Variants in LHCGR observed in about 807,000 individuals in gnomAD.
The protein encoded by LHCGR is luteinizing hormone/choriogonadotropin receptor.
LHCGR carries 55 observed loss-of-function variants against 60.7 expected under a neutral mutation model. The observed-to-expected ratio is 0.91, with a 90% CI of 0.73 to 1.13. The LOEUF is 1.13. Among genes scored for constraint, LHCGR ranks in the 50% most tolerant of loss-of-function variants. The probability of loss-of-function intolerance (pLI) is 0.00; values close to 1 mark genes in which losing one functional copy is unlikely to be tolerated. For missense variants in LHCGR, 862 were observed against 836.0 expected (o/e 1.03, Z -0.38); for synonymous variants, 337 against 316.5 (o/e 1.06, Z -0.69).
intron 8 of LHCGR, among the ~76,000 whole-genome samples, chr2:48,706,846 G>T (rs1185964088): frequency 6.6e-6 from 1 of 151,972 alleles, no homozygotes; most frequent in Non-Finnish European, 1.5e-5. Flanking sequence ...ATGCTCCTTT[G>T]GCTTGGAGAA....
At chr2:48,702,214 C>T (rs1667445495) in intron 8 of LHCGR, among the ~76,000 whole-genome samples, 1 of 151,826 alleles carries the variant, frequency 6.6e-6, no homozygotes, top group African/African-American at 2.4e-5. Context: ...TTGGATGTTT[C>T]AGGCTTTGTC....
At chr2:48,746,370 T>A (rs1221432229) in intron 1 of LHCGR, among the ~76,000 whole-genome samples, 1 of 152,230 alleles carries the variant, frequency 6.6e-6, no homozygotes, top group African/African-American at 2.4e-5. Context: ...GTATCTTTCT[T>A]TTGGGCTCAG....
chr2:48,697,555 A>G (rs1667178572), intron 9 of LHCGR, among the ~76,000 whole-genome samples: 1 of 152,230 alleles, frequency 6.6e-6, no homozygotes, highest in South Asian at 2.1e-4. Flanking sequence ...CAGCTACCCA[A>G]AAAGCCTCAG....
intron 1 of LHCGR, among the ~76,000 whole-genome samples, chr2:48,746,381 A>G (rs1021815101): frequency 6.6e-6 from 1 of 152,232 alleles, no homozygotes; most frequent in Non-Finnish European, 1.5e-5. Context: ...TTGGGCTCAG[A>G]TATCTCTTTT....
chr2:48,744,519 T>A (rs75085625), intron 1 of LHCGR, among the ~76,000 whole-genome samples: 1 of 103,024 alleles, frequency 9.7e-6, no homozygotes, highest in African/African-American at 4.1e-5. Context: ...GGAACAGAAC[T>A]GAGCCCTCAG....
intron 10 of LHCGR, among the ~76,000 whole-genome samples, chr2:48,691,022 G>C (rs1255946399): frequency 1.3e-5 from 2 of 152,192 alleles, no homozygotes; most frequent in Non-Finnish European, 2.9e-5. Flanking sequence ...ATGCATGTAG[G>C]CTCAACAAAC....
chr2:48,715,473 C>G (rs186182279), intron 6 of LHCGR, among the ~76,000 whole-genome samples: 184 of 152,304 alleles, frequency 1.2e-3, no homozygotes, highest in African/African-American at 4.1e-3. Context: ...TATCTGCCAA[C>G]ACCCTAACTT....
intron 7 of LHCGR, 74 bp downstream of exon 7, chr2:48,713,912 G>T: frequency 2.6e-6 from 3 of 1,175,416 alleles, no homozygotes; most frequent in Non-Finnish European, 3.8e-6. Flanking sequence ...AGTTGCTGAA[G>T]ATTGAATGTG....
At chr2:48,696,127 C>G (rs1337088277) in intron 9 of LHCGR, among the ~76,000 whole-genome samples, 1 of 151,908 alleles carries the variant, frequency 6.6e-6, no homozygotes. Flanking sequence ...TCCTCATATT[C>G]AGTGCCCTGA....
intron 1 of LHCGR, among the ~76,000 whole-genome samples, chr2:48,739,496 G>C (rs1439077197): frequency 2.0e-5 from 3 of 151,476 alleles, no homozygotes; most frequent in Non-Finnish European, 4.4e-5. Context: ...AAAATGATGA[G>C]TTCATGTCCT....
At chr2:48,699,727 C>G (rs1338338485) in intron 8 of LHCGR, among the ~76,000 whole-genome samples, 3 of 152,234 alleles carry the variant, frequency 2.0e-5, no homozygotes. Context: ...TTCATCTGTT[C>G]AAAGCAAGCG....
chr2:48,691,098 G>A (rs978966909), intron 10 of LHCGR, among the ~76,000 whole-genome samples: 1 of 152,158 alleles, frequency 6.6e-6, no homozygotes, highest in Non-Finnish European at 1.5e-5. Context: ...CATAATTTTT[G>A]TGTCAAGGCC....
At chr2:48,710,327 T>C (rs1224367464) in intron 7 of LHCGR, among the ~76,000 whole-genome samples, 1 of 152,230 alleles carries the variant, frequency 6.6e-6, no homozygotes, top group Non-Finnish European at 1.5e-5. Context: ...CTCTTCTTCC[T>C]GATTCCGTTT....
chr2:48,703,712 G>A (rs1667520061), intron 8 of LHCGR, among the ~76,000 whole-genome samples: 1 of 152,186 alleles, frequency 6.6e-6, no homozygotes, highest in Non-Finnish European at 1.5e-5. Flanking sequence ...GAATAGGAAT[G>A]CTTGCGATTT....
At chr2:48,728,692 A>G (rs1668853067) in intron 3 of LHCGR, among the ~76,000 whole-genome samples, 1 of 152,092 alleles carries the variant, frequency 6.6e-6, no homozygotes, top group Admixed American at 6.6e-5. Context: ...AATAACAACA[A>G]CAAAACCCAA....
In LHCGR at chr2:48,740,038, G is replaced by A. The variant is rs1572885937; in HGVS notation, c.162-8740C>T. On this transcript the variant is annotated intron_variant, in intron 1 of 10. Coordinates refer to ENST00000294954, the MANE Select transcript of LHCGR (RefSeq NM_000233.4). ...GCATCACCTCACTCGGGAAGCGCGA[G>A]GGGTCAGGGAGTTCCCTTTCCTAGT... Among the ~76,000 whole-genome samples, 7 of 152,328 alleles carry A rather than the reference G, an allele frequency of 4.6e-5. No homozygotes were observed. In the South Asian group the frequency reaches 1.4e-3, roughly 32 times the overall value.
chr2:48,739,514 G>T (rs1669340857), intron 1 of LHCGR, among the ~76,000 whole-genome samples: 1 of 152,154 alleles, frequency 6.6e-6, no homozygotes, highest in Admixed American at 6.5e-5. Flanking sequence ...CCTTTGTAGG[G>T]ACATGGATAA....
chr2:48,729,689 T>G (rs979557627), intron 2 of LHCGR, among the ~76,000 whole-genome samples: 3 of 152,176 alleles, frequency 2.0e-5, no homozygotes, highest in Non-Finnish European at 4.4e-5. Context: ...TGGATTGAAT[T>G]GTTTCATAAC....
Position 48,694,228 on chromosome 2 carries a change from T to G in LHCGR, c.943A>C (p.Thr315Pro). 3.2e-6 allele frequency: 5 copies of G among 1,550,434 alleles called. No homozygotes were observed. The highest frequency in any genetic ancestry group is 4.4e-6 in the Non-Finnish European group (5 of 1,125,676). The change falls in exon 10 of 11, where the codon ACA becomes CCA. Residue 315 changes from threonine (T) to proline (P), a missense_variant. Coordinates refer to ENST00000294954, the MANE Select transcript of LHCGR (RefSeq NM_000233.4). ...TCCTTGCATGCAAATACTTACAGTG[T>G]TTTGTTATTCACTTTCCTTACTGTG... Reference protein sequence around the residue: ...ESTVRKVNNKTLYSSMLAESE... With the variant: ...ESTVRKVNNKPLYSSMLAESE...
Sources: gnomAD v4.1 joint callset for allele counts (sites outside exome capture counted in the v4.1 genomes callset) on GRCh38, gnomAD v4.1.1 for gene constraint, MANE v1.5 for transcripts, NCBI Gene and HGNC (gene_info 2026-07-23, HGNC 2026-07-21) for gene names.